Variants in FBXL7 observed in about 807,000 individuals in gnomAD.
The protein encoded by FBXL7 is F-box and leucine rich repeat protein 7, also known as F-box/LRR-repeat protein 7.
A neutral mutation model predicts 38.3 loss-of-function variants in FBXL7; 12 were observed. The ratio of observed to expected loss-of-function variants is 0.31; its 90% CI spans 0.20 to 0.51. The LOEUF is 0.51. FBXL7 is among the 20% of genes least tolerant of loss of function. The pLI, the probability that FBXL7 is intolerant of heterozygous loss-of-function variation, is 0.98. For synonymous variants in FBXL7, 297 were observed against 300.9 expected (o/e 0.99, Z 0.13); for missense variants, 567 against 676.4 (o/e 0.84, Z 1.79).
intron 2 of FBXL7, among the ~76,000 whole-genome samples, chr5:15,807,938 A>G (rs1737759485): frequency 6.6e-6 from 1 of 152,172 alleles, no homozygotes; most frequent in Non-Finnish European, 1.5e-5. Flanking sequence ...GCTGAAAATC[A>G]TGCGGCTTTT....
chr5:15,768,772 C>G (rs922058735), intron 2 of FBXL7, among the ~76,000 whole-genome samples: 4 of 152,122 alleles, frequency 2.6e-5, no homozygotes, highest in African/African-American at 9.7e-5. Flanking sequence ...GCCCTGCCTC[C>G]CTGTGCACAG....
At chr5:15,699,107 G>A (rs1015492185) in intron 2 of FBXL7, among the ~76,000 whole-genome samples, 1 of 152,116 alleles carries the variant, frequency 6.6e-6, no homozygotes, top group Non-Finnish European at 1.5e-5. Flanking sequence ...GGCACTTCAG[G>A]TGAGAAGAGA....
chr5:15,866,432 T>G (rs1331883452), intron 2 of FBXL7, among the ~76,000 whole-genome samples: 5 of 152,232 alleles, frequency 3.3e-5, no homozygotes, highest in Admixed American at 3.3e-4. Flanking sequence ...AACACATATG[T>G]GCAGATAGCT....
chr5:15,822,619 G>T (rs940663088), intron 2 of FBXL7, among the ~76,000 whole-genome samples: 5 of 133,706 alleles, frequency 3.7e-5, no homozygotes, highest in African/African-American at 1.4e-4. Flanking sequence ...TGAGCTGGTT[G>T]CTCTTTTTTT....
At chr5:15,572,226 A>G (rs1189797320) in intron 1 of FBXL7, among the ~76,000 whole-genome samples, 1 of 152,050 alleles carries the variant, frequency 6.6e-6, no homozygotes, top group Admixed American at 6.6e-5. Flanking sequence ...GAGTTGAAAT[A>G]ATGATACTTG....
At chr5:15,544,524 C>A (rs1410365015) in intron 1 of FBXL7, among the ~76,000 whole-genome samples, 1 of 152,182 alleles carries the variant, frequency 6.6e-6, no homozygotes, top group Non-Finnish European at 1.5e-5. Flanking sequence ...TCTGGTAATA[C>A]AGGCTCACCC....
chr5:15,662,329 A>C (rs1219355676), intron 2 of FBXL7, among the ~76,000 whole-genome samples: 3 of 152,078 alleles, frequency 2.0e-5, no homozygotes, highest in Non-Finnish European at 4.4e-5. Flanking sequence ...TTCTTTGCCC[A>C]ATTTTAAATT....
chr5:15,644,174 T>G (rs761297534), intron 2 of FBXL7, among the ~76,000 whole-genome samples: 1 of 151,860 alleles, frequency 6.6e-6, no homozygotes, highest in Non-Finnish European at 1.5e-5. Flanking sequence ...AAAATGATAA[T>G]GACGCCAGGC....
At chr5:15,542,707 G>GA (rs1172822787) in intron 1 of FBXL7, among the ~76,000 whole-genome samples, 18 of 152,222 alleles carry the variant, frequency 1.2e-4, no homozygotes, top group African/African-American at 4.1e-4. Flanking sequence ...ATAAACTTCA[G>GA]AATCTATAAG....
chr5:15,534,574 C>CAGA (rs1737526038), intron 1 of FBXL7, among the ~76,000 whole-genome samples: 1 of 152,206 alleles, frequency 6.6e-6, no homozygotes, highest in Non-Finnish European at 1.5e-5. Context: ...TGAAGGAAAT[C>CAGA]TTGGTTGCTT....
intron 2 of FBXL7, among the ~76,000 whole-genome samples, chr5:15,890,018 G>T (rs548152070): frequency 6.6e-6 from 1 of 152,232 alleles, no homozygotes; most frequent in East Asian, 1.9e-4. Context: ...GAAAGAAAAA[G>T]TTCTTGGGCC....
At chr5:15,801,902 A>G (rs772831332) in intron 2 of FBXL7, among the ~76,000 whole-genome samples, 3 of 151,738 alleles carry the variant, frequency 2.0e-5, no homozygotes, top group Non-Finnish European at 4.4e-5. Context: ...TTTTTGAGAG[A>G]TGTGTATCTA....
chr5:15,731,895 G>A lies in FBXL7; in HGVS notation c.127+115823G>A, dbSNP rs146998482. Among the ~76,000 whole-genome samples the A allele has an allele frequency of 2.3e-3, 354 of 152,242 alleles. 3 individuals carry two copies. Among genetic ancestry groups the A allele is most frequent in the African/African-American group, 8.1e-3 (338 of 41,522 alleles). ...TGGTTCCTTGGACTACATGGATCCT[G>A]AGTGGTGCTGTGAGGTGCCAGAAAC... is the stretch of plus-strand genomic sequence containing the variant. On this transcript the variant is annotated intron_variant, in intron 2 of 3. Coordinates refer to ENST00000504595, the MANE Select transcript of FBXL7 (RefSeq NM_012304.5).
rs552119381 is a variant in FBXL7 at position 15,619,368 on chromosome 5, G to T, written c.127+3296G>T. 2.6e-5 allele frequency among the ~76,000 whole-genome samples: 4 copies of T among 152,192 alleles called. No homozygotes were observed. The East Asian group carries it at 5.8e-4, about 22-fold the overall frequency. ...CTTTTTAGAGAGACAATGCCAAACC[G>T]TCACCGACATTTCTAGTTGGGGTGG... is the stretch of plus-strand genomic sequence containing the variant. On this transcript the variant is annotated intron_variant, in intron 2 of 3. Coordinates refer to ENST00000504595, the MANE Select transcript of FBXL7 (RefSeq NM_012304.5).
At chr5:15,780,665 G>A (rs1360722737) in intron 2 of FBXL7, among the ~76,000 whole-genome samples, 1 of 152,112 alleles carries the variant, frequency 6.6e-6, no homozygotes, top group Non-Finnish European at 1.5e-5. Context: ...GGGAATGGTT[G>A]GAATTCTCTA....
Position 15,593,843 on chromosome 5 carries a change from T to A in FBXL7, c.38-22140T>A, listed in dbSNP as rs1015069078. Reference sequence around the variant, plus strand: ...ACTCCAGAGAAAAATTCAGTGTATGTAACTACGTCTTGGGCACTATCCAAT... The same window carrying A: ...ACTCCAGAGAAAAATTCAGTGTATGAAACTACGTCTTGGGCACTATCCAAT... On this transcript the variant is annotated intron_variant, in intron 1 of 3. Coordinates refer to ENST00000504595, the MANE Select transcript of FBXL7 (RefSeq NM_012304.5). Among the ~76,000 whole-genome samples the A allele has an allele frequency of 2.6e-5, 4 of 152,300 alleles. No homozygotes were observed. The East Asian group carries it at 7.7e-4, about 29-fold the overall frequency.
intron 2 of FBXL7, among the ~76,000 whole-genome samples, chr5:15,914,981 T>C (rs1416662491): frequency 6.6e-6 from 1 of 152,244 alleles, no homozygotes; most frequent in Admixed American, 6.5e-5. Context: ...AATTCAGCCT[T>C]GCTGGATCTG....
At chr5:15,891,790 G>C (rs780331923) in intron 2 of FBXL7, among the ~76,000 whole-genome samples, 14 of 152,344 alleles carry the variant, frequency 9.2e-5, no homozygotes, top group Non-Finnish European at 1.9e-4. Flanking sequence ...TATTTACACA[G>C]GTATAGACAG....
Position 15,877,201 on chromosome 5 carries a change from T to G in FBXL7, c.128-50689T>G, listed in dbSNP as rs537793659. Among the ~76,000 whole-genome samples the G allele has an allele frequency of 4.6e-5, 7 of 152,298 alleles. No homozygotes were observed. In the East Asian group the frequency reaches 1.3e-3, roughly 29 times the overall value. On this transcript the variant is annotated intron_variant, in intron 2 of 3. Coordinates refer to ENST00000504595, the MANE Select transcript of FBXL7 (RefSeq NM_012304.5). Reference sequence around the variant, plus strand: ...TCTTGACATTTGCAGCAGTTTTCTCTTCAGTAACATGTAAAAATTGTTTCA... The same window carrying G: ...TCTTGACATTTGCAGCAGTTTTCTCGTCAGTAACATGTAAAAATTGTTTCA...
Sources: gnomAD v4.1 joint callset for allele counts (sites outside exome capture counted in the v4.1 genomes callset) on GRCh38, gnomAD v4.1.1 for gene constraint, MANE v1.5 for transcripts, NCBI Gene and HGNC (gene_info 2026-07-23, HGNC 2026-07-21) for gene names.